Variants in CSMD1 observed in about 807,000 individuals in gnomAD.
CSMD1 encodes the protein CUB and Sushi multiple domains 1.
A neutral mutation model predicts 417.5 loss-of-function variants in CSMD1; 213 were observed. The observed-to-expected ratio is 0.51, with a 90% CI of 0.46 to 0.57. The LOEUF (loss-of-function observed/expected upper bound fraction) is 0.57. Among genes scored for constraint, CSMD1 ranks in the 20% least tolerant of loss-of-function variants. The pLI, the probability that CSMD1 is intolerant of heterozygous loss-of-function variation, is 0.00. For synonymous variants in CSMD1, 2,862 were observed against 1,736.8 expected, an observed-to-expected ratio of 1.65 and a Z score of -16.11; for missense variants, 6,923 against 4,529.7, an observed-to-expected ratio of 1.53 and a Z score of -15.17.
At position 3,261,842 on chromosome 8, in the gene CSMD1, C is replaced by T. The variant is rs187058207; in HGVS notation, c.4153+22302G>A. On this transcript the variant is annotated intron_variant, in intron 26 of 69. Transcript: ENST00000635120. ...ATAGATGAATGGCTGCCAGGGATTACGAAGGCATGCGGGCCGAGGTCAATG... is the reference window on the plus strand; with the variant it reads ...ATAGATGAATGGCTGCCAGGGATTATGAAGGCATGCGGGCCGAGGTCAATG... Among the ~76,000 whole-genome samples the T allele has an allele frequency of 8.6e-4, 131 of 152,106 alleles. 1 individual carries two copies. Among genetic ancestry groups the T allele is most frequent in the African/African-American group, 2.9e-3 (119 of 41,498 alleles).
chr8:4,843,376 C>T (rs12156083), intron 1 of CSMD1, among the ~76,000 whole-genome samples: 39,995 of 151,968 alleles, frequency 0.26, 6,218 homozygotes, highest in Admixed American at 0.39. Flanking sequence ...GGGATGATTA[C>T]GACCTTAAGA....
intron 1 of CSMD1, among the ~76,000 whole-genome samples, chr8:4,983,667 T>C (rs117193081): frequency 0.039 from 5,972 of 152,112 alleles, 138 homozygotes; most frequent in Middle Eastern, 0.13. Context: ...GGATTACGGG[T>C]GCCAGCCACC....
chr8:2,956,006 A>T (rs201493129), intron 63 of CSMD1, among the ~76,000 whole-genome samples: 1 of 152,012 alleles, frequency 6.6e-6, no homozygotes, highest in Non-Finnish European at 1.5e-5. Flanking sequence ...CTCCCAAAGT[A>T]CTGGGATTAC....
chr8:4,169,406 C>T (rs1015439040), intron 3 of CSMD1, among the ~76,000 whole-genome samples: 1 of 152,118 alleles, frequency 6.6e-6, no homozygotes, highest in Non-Finnish European at 1.5e-5. Context: ...ATTGTAAATA[C>T]TCGTCTTTTT....
intron 38 of CSMD1, among the ~76,000 whole-genome samples, chr8:3,160,126 CT>C (rs1198723327): frequency 6.6e-6 from 1 of 151,990 alleles, no homozygotes; most frequent in African/African-American, 2.4e-5. Context: ...CAATTCTTTT[CT>C]TTTTTTCTTT....
intron 3 of CSMD1, among the ~76,000 whole-genome samples, chr8:4,099,717 T>G (rs1041849527): frequency 1.3e-5 from 2 of 152,186 alleles, no homozygotes; most frequent in African/African-American, 2.4e-5. Context: ...TTTGGGACTT[T>G]ACTTGCTTTC....
intron 6 of CSMD1, among the ~76,000 whole-genome samples, chr8:3,742,061 A>G (rs1241905701): frequency 6.6e-6 from 1 of 150,968 alleles, no homozygotes; most frequent in East Asian, 2.0e-4. Context: ...CTCATTCAGC[A>G]CATTCTTGCC....
chr8:4,512,998 G>A (rs867225350), intron 2 of CSMD1, among the ~76,000 whole-genome samples: 3 of 152,106 alleles, frequency 2.0e-5, no homozygotes, highest in Non-Finnish European at 4.4e-5. Flanking sequence ...CAGGAGTTGA[G>A]GGAGAGAAGG....
intron 5 of CSMD1, among the ~76,000 whole-genome samples, chr8:3,758,846 G>C (rs1364956565): frequency 6.6e-6 from 1 of 152,128 alleles, no homozygotes; most frequent in African/African-American, 2.4e-5. Flanking sequence ...GATTATACTA[G>C]ATTATTGAGT....
chr8:3,302,212 A>G (rs1804467842), intron 25 of CSMD1, among the ~76,000 whole-genome samples: 1 of 152,192 alleles, frequency 6.6e-6, no homozygotes, highest in African/African-American at 2.4e-5. Context: ...GAGAGATGTC[A>G]GGGAAGTTTG....
intron 3 of CSMD1, among the ~76,000 whole-genome samples, chr8:4,124,181 G>C (rs1019714938): frequency 2.6e-5 from 4 of 152,248 alleles, no homozygotes; most frequent in African/African-American, 7.2e-5. Context: ...GGGAGGAAGT[G>C]GGGGTGGGCA....
In CSMD1 at chr8:3,677,023, G is replaced by A. The variant is rs541969444; in HGVS notation, c.1009+31391C>T. 8.5e-5 allele frequency among the ~76,000 whole-genome samples: 13 copies of A among 152,234 alleles called. No homozygotes were observed. The South Asian group carries it at 2.1e-3, about 24-fold the overall frequency. ...TGTTGCGGGGTTGGGGGCAAGGGGAGGGAGAGCATTAGAACAAATACCTAA... is the reference window on the plus strand; with the variant it reads ...TGTTGCGGGGTTGGGGGCAAGGGGAAGGAGAGCATTAGAACAAATACCTAA... On this transcript the variant is annotated intron_variant, in intron 7 of 69. Coordinates refer to ENST00000635120, the MANE Select transcript of CSMD1 (RefSeq NM_033225.6).
At chr8:4,559,379 A>G (rs1798229817) in intron 2 of CSMD1, among the ~76,000 whole-genome samples, 1 of 152,160 alleles carries the variant, frequency 6.6e-6, no homozygotes, top group African/African-American at 2.4e-5. Flanking sequence ...ATTAAAAAAA[A>G]TCTTCATATA....
intron 2 of CSMD1, among the ~76,000 whole-genome samples, chr8:4,570,251 T>C (rs1047160692): frequency 6.6e-6 from 1 of 152,234 alleles, no homozygotes; most frequent in Admixed American, 6.5e-5. Flanking sequence ...CTTTTGACCA[T>C]TCTGTATGAC....
chr8:4,957,765 A>G (rs371393441), intron 1 of CSMD1, among the ~76,000 whole-genome samples: 5 of 152,088 alleles, frequency 3.3e-5, no homozygotes, highest in East Asian at 3.9e-4. Context: ...ACCATGCTTA[A>G]TTTAAAACGT....
rs145571554 is a variant in CSMD1, at chr8:3,633,797, A to G, written c.1010-17000T>C. ...TATAATCAGATATTACTTCTCAAGT[A>G]TCCACTTGATGCATAGCTTGTAACC... is the stretch of plus-strand genomic sequence containing the variant. On this transcript the variant is annotated intron_variant, in intron 7 of 69. Transcript: ENST00000635120. Among the ~76,000 whole-genome samples the G allele has an allele frequency of 9.2e-3, 1,402 of 152,334 alleles. 8 individuals carry two copies. The highest frequency in any genetic ancestry group is 0.023 in the South Asian group (109 of 4,822).
Position 3,166,510 on chromosome 8 carries a change from G to C in CSMD1, c.5726-4233C>G, listed in dbSNP as rs138483961. 3.7e-3 allele frequency among the ~76,000 whole-genome samples: 567 copies of C among 152,068 alleles called. 5 individuals carry two copies. The highest frequency in any genetic ancestry group is 0.013 in the African/African-American group (534 of 41,476). ...GGTCACACCACTGCACTCCAGCCTG[G>C]GCAACAGAGCGAGACTCCATCTCAA... On this transcript the variant is annotated intron_variant, in intron 37 of 69. Coordinates refer to ENST00000635120, the MANE Select transcript of CSMD1 (RefSeq NM_033225.6).
chr8:4,055,108 G>T (rs1200856544), intron 3 of CSMD1, among the ~76,000 whole-genome samples: 1 of 152,128 alleles, frequency 6.6e-6, no homozygotes, highest in Admixed American at 6.6e-5. Context: ...TTTTCTTTGA[G>T]CTTTGTGTAG....
At position 4,191,397 on chromosome 8, in the gene CSMD1, G is replaced by GA. The variant is rs994992238; in HGVS notation, c.416-159299dup. Among the ~76,000 whole-genome samples, 43 of 150,768 alleles carry GA rather than the reference G, an allele frequency of 2.9e-4. 1 individual carries two copies. Among genetic ancestry groups the GA allele is most frequent in the Admixed American group, 1.3e-4 (2 of 15,226 alleles). ...GGCAACAGAGCAAGACTCTGTCTCA[G>GA]AAAAAACAAAAAACAAAACAAAACA... On this transcript the variant is annotated intron_variant, in intron 3 of 69. Coordinates refer to ENST00000635120, the MANE Select transcript of CSMD1 (RefSeq NM_033225.6).
Sources: gnomAD v4.1 joint callset for allele counts (sites outside exome capture counted in the v4.1 genomes callset) on GRCh38, gnomAD v4.1.1 for gene constraint, MANE v1.5 for transcripts, NCBI Gene and HGNC (gene_info 2026-07-23, HGNC 2026-07-21) for gene names.